ULK4: variants seen among roughly 807,000 people sequenced by gnomAD.
The protein encoded by ULK4 is inactive serine/threonine-protein kinase ULK4.
A neutral mutation model predicts 160.6 loss-of-function variants in ULK4; 133 were observed. The ratio of observed to expected loss-of-function variants is 0.83; its 90% CI spans 0.72 to 0.96. The LOEUF is 0.96. Ranked by LOEUF, ULK4 falls within the 40% of genes least tolerant of loss-of-function variation. The pLI, the probability that ULK4 is intolerant of heterozygous loss-of-function variation, is 0.00. For missense variants in ULK4, 1,580 were observed against 1,499.5 expected (o/e 1.05, Z -0.89); for synonymous variants, 534 against 539.8 (o/e 0.99, Z 0.15).
intron 32 of ULK4, among the ~76,000 whole-genome samples, chr3:41,550,588 A>G (rs897175792): frequency 6.6e-6 from 1 of 152,094 alleles, no homozygotes; most frequent in Non-Finnish European, 1.5e-5. Flanking sequence ...GCAAGAGGAT[A>G]TAACAATTCT....
chr3:41,473,995 T>C lies in ULK4; in HGVS notation c.3227-10742A>G, dbSNP rs192788764. On this transcript the variant is annotated intron_variant, in intron 32 of 36. Coordinates refer to ENST00000301831, the MANE Select transcript of ULK4 (RefSeq NM_017886.4). The stretch of plus-strand genomic sequence containing the variant: ...TTTTTCATAAAAATAGGCAAAACAA[T>C]TGTAAAATTCAAATGGAACCACAAA... Among the ~76,000 whole-genome samples, 527 of 152,166 alleles carry C rather than the reference T, an allele frequency of 3.5e-3. 2 individuals are homozygous for C. The highest frequency in any genetic ancestry group is 0.012 in the African/African-American group (508 of 41,520).
At chr3:41,785,223 G>A (rs1238421355) in intron 21 of ULK4, among the ~76,000 whole-genome samples, 1 of 152,144 alleles carries the variant, frequency 6.6e-6, no homozygotes, top group Non-Finnish European at 1.5e-5. Context: ...TAAATTATTG[G>A]TGCATCACAA....
At chr3:41,930,584 T>C (rs1366753543) in intron 5 of ULK4, among the ~76,000 whole-genome samples, 2 of 152,176 alleles carry the variant, frequency 1.3e-5, no homozygotes, top group African/African-American at 4.8e-5. Flanking sequence ...TTTTGCAATC[T>C]ACCCATCTGA....
intron 31 of ULK4, among the ~76,000 whole-genome samples, chr3:41,610,843 A>AT (rs1331852836): frequency 5.3e-5 from 8 of 152,178 alleles, no homozygotes; most frequent in Non-Finnish European, 1.2e-4. Flanking sequence ...TGCCATGAAT[A>AT]TTTTTTTCCA....
chr3:41,751,429 C>T (rs890202568), intron 22 of ULK4, among the ~76,000 whole-genome samples: 7 of 152,122 alleles, frequency 4.6e-5, no homozygotes, highest in Non-Finnish European at 4.4e-5. Flanking sequence ...CCACACAGTG[C>T]AGGAAAAATG....
At chr3:41,920,905 G>A (rs959561682) in intron 5 of ULK4, among the ~76,000 whole-genome samples, 2 of 152,168 alleles carry the variant, frequency 1.3e-5, no homozygotes, top group Non-Finnish European at 2.9e-5. Context: ...AACGCCCATG[G>A]AACACCCTTG....
At chr3:41,853,296 T>G (rs935847740) in intron 17 of ULK4, among the ~76,000 whole-genome samples, 6 of 152,166 alleles carry the variant, frequency 3.9e-5, no homozygotes, top group African/African-American at 1.4e-4. Flanking sequence ...ACTGTGGTAC[T>G]CAATATTGCC....
chr3:41,935,959 A>T lies in ULK4; in HGVS notation c.239-19T>A, dbSNP rs754772861. On this transcript the variant is annotated intron_variant, in intron 3 of 36. Transcript: ENST00000301831. Reference sequence around the variant, plus strand: ...GAACCACCTGCAAGAGGTTGATTAAAATCACCCATTTCAACCCCCTACCAT... The same window carrying T: ...GAACCACCTGCAAGAGGTTGATTAATATCACCCATTTCAACCCCCTACCAT... The T allele has an allele frequency of 1.1e-5, 17 of 1,609,566 alleles. No individual in the cohort carries two copies. The East Asian group carries it at 3.6e-4, about 34-fold the overall frequency.
At chr3:41,608,146 C>T (rs770992449) in intron 31 of ULK4, among the ~76,000 whole-genome samples, 2 of 152,054 alleles carry the variant, frequency 1.3e-5, no homozygotes, top group Non-Finnish European at 2.9e-5. Context: ...CTAATAAATC[C>T]AAAATGCAAT....
At chr3:41,452,116 C>T (rs1469417504) in intron 34 of ULK4, among the ~76,000 whole-genome samples, 41 of 152,264 alleles carry the variant, frequency 2.7e-4, no homozygotes, top group Non-Finnish European at 2.9e-5. Context: ...TAGATGCATA[C>T]TGCCGTATTT....
At chr3:41,910,296 A>G (rs1698734057) in intron 11 of ULK4, among the ~76,000 whole-genome samples, 1 of 152,152 alleles carries the variant, frequency 6.6e-6, no homozygotes, top group Non-Finnish European at 1.5e-5. Flanking sequence ...AGCCTCACAT[A>G]TAGAAAAGTA....
intron 19 of ULK4, among the ~76,000 whole-genome samples, chr3:41,805,837 C>G (rs1190813721): frequency 6.8e-6 from 1 of 146,176 alleles, no homozygotes; most frequent in Non-Finnish European, 1.5e-5. Flanking sequence ...ATGAAGCCCA[C>G]TTGATCATGG....
chr3:41,953,304 ATTTTTT>A (rs60007502), intron 2 of ULK4, among the ~76,000 whole-genome samples: 70 of 124,776 alleles, frequency 5.6e-4, no homozygotes, highest in Non-Finnish European at 8.3e-4. Flanking sequence ...ATATATATAT[ATTTTTT>A]TTTTTTTTTG....
chr3:41,571,127 G>C (rs191470434), intron 31 of ULK4, among the ~76,000 whole-genome samples: 1 of 152,300 alleles, frequency 6.6e-6, no homozygotes, highest in East Asian at 1.9e-4. Flanking sequence ...ACTTTGCTCA[G>C]AATAAAGTGA....
chr3:41,384,621 A>G (rs1032526645), intron 35 of ULK4, among the ~76,000 whole-genome samples: 1 of 151,960 alleles, frequency 6.6e-6, no homozygotes, highest in Admixed American at 6.6e-5. Flanking sequence ...GTCTCGTTCT[A>G]TCACCCAGGC....
intron 35 of ULK4, among the ~76,000 whole-genome samples, chr3:41,262,672 T>A (rs139432071): frequency 6.6e-6 from 1 of 152,310 alleles, no homozygotes; most frequent in African/African-American, 2.4e-5. Flanking sequence ...TAAGACATGA[T>A]TATTTTCTAA....
intron 32 of ULK4, among the ~76,000 whole-genome samples, chr3:41,525,785 T>C (rs932785041): frequency 6.6e-6 from 1 of 152,374 alleles, no homozygotes; most frequent in East Asian, 1.9e-4. Flanking sequence ...CTCTTTCACC[T>C]GTCTGGTTCC....
At chr3:41,387,884 T>A (rs188781323) in intron 35 of ULK4, among the ~76,000 whole-genome samples, 310 of 152,338 alleles carry the variant, frequency 2.0e-3, no homozygotes, top group Non-Finnish European at 2.6e-3. Flanking sequence ...TTTGAGTATA[T>A]ACCCAGTAAT....
intron 30 of ULK4, among the ~76,000 whole-genome samples, chr3:41,624,080 T>C (rs1303003145): frequency 6.6e-6 from 1 of 152,238 alleles, no homozygotes; most frequent in African/African-American, 2.4e-5. Flanking sequence ...ATTTTCTCTC[T>C]TTCCTGGGCA....
Sources: gnomAD v4.1 joint callset for allele counts (sites outside exome capture counted in the v4.1 genomes callset) on GRCh38, gnomAD v4.1.1 for gene constraint, MANE v1.5 for transcripts, NCBI Gene and HGNC (gene_info 2026-07-23, HGNC 2026-07-21) for gene names.